The following ABCC8 variants were observed in gnomAD, a reference collection of about 807,000 sequenced individuals.
ABCC8 encodes the protein ATP-binding cassette sub-family C member 8.
Under a neutral mutation model 188.0 loss-of-function variants are expected in ABCC8, and 137 were observed. That is an observed-to-expected ratio of 0.73 (90% CI 0.63 to 0.84). The LOEUF (loss-of-function observed/expected upper bound fraction) is 0.84, where lower values mean the gene tolerates loss of function less well. ABCC8 is among the 40% of genes least tolerant of loss of function. ABCC8 has a pLI of 0.00. For synonymous variants in ABCC8, 797 were observed against 846.5 expected, an observed-to-expected ratio of 0.94 and a Z score of 1.01; for missense variants, 1,750 against 2,072.7, an observed-to-expected ratio of 0.84 and a Z score of 3.02.
intron 9 of ABCC8, 105 bp downstream of exon 9, chr11:17,443,067 CTCAAAG>C (rs768765920): frequency 4.6e-5 from 70 of 1,516,816 alleles, no homozygotes; most frequent in Middle Eastern, 4.2e-4. Flanking sequence ...AAGTGGCCTA[CTCAAAG>C]TCAAAGTCAA....
chr11:17,440,861 C>T (rs1449683589), intron 10 of ABCC8, among the ~76,000 whole-genome samples: 2 of 152,200 alleles, frequency 1.3e-5, no homozygotes, highest in African/African-American at 2.4e-5. Context: ...CCTTGGTGCC[C>T]ATGTTTCCAA....
intron 17 of ABCC8, among the ~76,000 whole-genome samples, chr11:17,415,734 G>A (rs1374109522): frequency 5.9e-5 from 9 of 152,224 alleles, no homozygotes; most frequent in Admixed American, 5.9e-4. Flanking sequence ...TGCACAAACA[G>A]CTGGGGCAAG....
intron 7 of ABCC8, among the ~76,000 whole-genome samples, chr11:17,449,534 G>T (rs573220389): frequency 3.7e-4 from 56 of 152,334 alleles, no homozygotes; most frequent in African/African-American, 1.3e-3. Context: ...CAGACAGAGA[G>T]CAGCCATGGT....
intron 16 of ABCC8, 52 bp from the exon 17 acceptor site, chr11:17,417,014 G>T: frequency 6.2e-7 from 1 of 1,613,080 alleles, no homozygotes; most frequent in African/African-American, 1.3e-5. Flanking sequence ...CCACCCCATT[G>T]CCTTTCCATC....
chr11:17,460,608 C>A lies in ABCC8; in HGVS notation c.891G>T (p.Arg297Ser). 1.2e-6 allele frequency: 2 copies of A among 1,613,216 alleles called. No homozygotes were observed. Among genetic ancestry groups the A allele is most frequent in the Non-Finnish European group, 1.7e-6 (2 of 1,180,048 alleles). ...IWQALSHAFG[R>S]RLVLSSTFRI... Reference sequence around the variant, plus strand: ...GGAAAGTGCTGCTGAGGACCAGGCGCCTCCCGAAGGCATGGCTGAGTGCCT... The same window carrying A: ...GGAAAGTGCTGCTGAGGACCAGGCGACTCCCGAAGGCATGGCTGAGTGCCT... Residue 297 changes from arginine (R) to serine (S), a missense_variant, in exon 6 of 39, where the codon AGG (arginine) becomes AGT (serine). Coordinates refer to ENST00000389817, the MANE Select transcript of ABCC8 (RefSeq NM_000352.6).
In ABCC8 at chr11:17,397,917, C is replaced by CA. The variant is rs1285506830; in HGVS notation, c.3754-121_3754-120insT. 42 of 1,519,540 alleles carry CA rather than the reference C, an allele frequency of 2.8e-5. No homozygotes were observed. The African/African-American group carries it at 5.0e-4, about 18-fold the overall frequency. The allele number at this position is 1,519,540 out of a possible 1,614,324, so 94.1% of individuals were successfully genotyped here. A position where few individuals can be genotyped will look rare whatever the true frequency, so the allele number is the denominator to read the frequency against. ...CCAGGCCTCCACTCCAGCCCTGCAA[C>CA]TCATGCACACGTCACCAGACACACA... On this transcript the variant is annotated intron_variant, in intron 30 of 38. Transcript: ENST00000389817.
intron 6 of ABCC8, among the ~76,000 whole-genome samples, chr11:17,457,980 G>A (rs959095542): frequency 2.0e-5 from 3 of 152,110 alleles, no homozygotes; most frequent in Admixed American, 6.5e-5. Flanking sequence ...AATAGCACTC[G>A]GTTCTCTCTG....
chr11:17,414,757 G>T, intron 18 of ABCC8, 147 bp from the exon 19 acceptor site: 1 of 1,450,552 alleles, frequency 6.9e-7, no homozygotes, highest in Non-Finnish European at 9.2e-7. Context: ...GGCCTCTGGT[G>T]GCCTTGCCTT....
rs538331806 is a variant in ABCC8, at chr11:17,404,061, A to G, written c.3557+451T>C. On this transcript the variant is annotated intron_variant, in intron 28 of 38. Transcript: ENST00000389817. The surrounding 1 kb of genome is among the most constrained non-coding windows in gnomAD (Gnocchi z 4.7). ...TGTGATCCATGAGAATGGCTGTGAGAGGCTCCCTCAAGTCAAGGCTTACAG... is the reference window on the plus strand; with the variant it reads ...TGTGATCCATGAGAATGGCTGTGAGGGGCTCCCTCAAGTCAAGGCTTACAG... 5.3e-5 allele frequency among the ~76,000 whole-genome samples: 8 copies of G among 152,306 alleles called. No individual in the cohort carries two copies. The highest frequency in any genetic ancestry group is 1.9e-4 in the African/African-American group (8 of 41,564).
chr11:17,463,911 C>G (rs923137344), intron 3 of ABCC8, among the ~76,000 whole-genome samples: 2 of 152,212 alleles, frequency 1.3e-5, no homozygotes, highest in African/African-American at 4.8e-5. Context: ...AACTAAGTTA[C>G]AGGCACTGTG....
At chr11:17,475,415 G>T (rs1009472372) in intron 1 of ABCC8, among the ~76,000 whole-genome samples, 1 of 151,904 alleles carries the variant, frequency 6.6e-6, no homozygotes, top group African/African-American at 2.4e-5. Flanking sequence ...GGGCGGGGGG[G>T]GTCTCACTAT....
Position 17,396,081 on chromosome 11 carries a change from G to T in ABCC8, c.4120-151C>A, listed in dbSNP as rs1453460569. 5.4e-6 allele frequency: 8 copies of T among 1,482,862 alleles called. No homozygotes were observed. In the African/African-American group the frequency reaches 5.6e-5, roughly 10 times the overall value. The allele number at this position is 1,482,862 out of a possible 1,614,324, so 91.9% of individuals were successfully genotyped here. On this transcript the variant is annotated intron_variant, in intron 33 of 38. Coordinates refer to ENST00000389817, the MANE Select transcript of ABCC8 (RefSeq NM_000352.6). ...ACTAGTTTCTCTTTGGACACCACAGGTTTGGGCTTGTTTCCTGCAGTGGGT... is the reference window on the plus strand; with the variant it reads ...ACTAGTTTCTCTTTGGACACCACAGTTTTGGGCTTGTTTCCTGCAGTGGGT...
At chr11:17,397,966 C>T (rs1277629062) in intron 30 of ABCC8, 169 bp from the exon 31 acceptor site, 21 of 886,746 alleles carry the variant, frequency 2.4e-5, no homozygotes, top group Non-Finnish European at 2.6e-5. Context: ...GGCTGGAGCC[C>T]CAGGAGCCAA....
At chr11:17,402,027 C>T (rs879803594) in intron 29 of ABCC8, among the ~76,000 whole-genome samples, 2 of 152,230 alleles carry the variant, frequency 1.3e-5, no homozygotes, top group Non-Finnish European at 2.9e-5. Context: ...TCCTGGCCTG[C>T]TCAAAGTCTG....
rs776060408 is a variant in ABCC8, at chr11:17,428,646, C to A, written c.1842G>T (p.Leu614=). ...LVSVQKLSEF[L]SSAEIREEQC... The stretch of plus-strand genomic sequence containing the variant: ...GCTCCTCACGGATCTCTGCACTGGA[C>A]AGGAACTCGCTTAGCTTTTGCACGC... Residue 614 remains leucine (L), a synonymous_variant, in exon 13 of 39, where the codon CTG becomes CTT. Coordinates refer to ENST00000389817, the MANE Select transcript of ABCC8 (RefSeq NM_000352.6). 6.2e-7 allele frequency: 1 copy of A among 1,613,708 alleles called. No homozygotes were observed. Among genetic ancestry groups the A allele is most frequent in the Non-Finnish European group, 8.5e-7 (1 of 1,180,044 alleles).
chr11:17,444,073 C>A (rs1470760167), intron 8 of ABCC8, among the ~76,000 whole-genome samples: 1 of 151,912 alleles, frequency 6.6e-6, no homozygotes, highest in East Asian at 1.9e-4. Context: ...AGTCCCAGAG[C>A]CCTACACCAG....
In ABCC8 at chr11:17,461,619, GTT is replaced by G; in HGVS notation, c.784_785del (p.Asn262LeufsTer9). On this transcript the variant is annotated frameshift_variant, in exon 5 of 39. Transcript: ENST00000389817. LOFTEE classifies it high-confidence loss of function. Reference sequence around the variant, plus strand: ...CAAAGGCCTCGCAGAGCCGTTGGTAGTTGGTGAGGGCCCTCATGGCGATGGGC... The same window carrying G: ...CAAAGGCCTCGCAGAGCCGTTGGTAGGGTGAGGGCCCTCATGGCGATGGGC... ...KLPIAMRALTNYQRLCEAFDA... is the reference protein window; with the variant it reads ...KLPIAMRALTXYQRLCEAFDA... The G allele has an allele frequency of 6.2e-7, 1 of 1,614,274 alleles. No individual in the cohort carries two copies. The highest frequency in any genetic ancestry group is 1.1e-5 in the South Asian group (1 of 91,088).
chr11:17,432,221 T>G lies in ABCC8; in HGVS notation c.1654A>C (p.Ile552Leu), dbSNP rs766577816. 9.7e-6 allele frequency: 15 copies of G among 1,552,702 alleles called. No individual in the cohort carries two copies. The highest frequency in any genetic ancestry group is 7.8e-6 in the Non-Finnish European group (9 of 1,147,418). Residue 552 changes from isoleucine (I) to leucine (L), a missense_variant, in exon 11 of 39, where the codon ATT (isoleucine) becomes CTT (leucine). By Grantham distance (5) the Ile-to-Leu change is conservative. Transcript: ENST00000389817. Reference sequence around the variant, plus strand: ...CCACTTACTATGAGGACAGCTGCAATGGGGATGGCCGTGTTCATGAAAACT... The same window carrying G: ...CCACTTACTATGAGGACAGCTGCAAGGGGGATGGCCGTGTTCATGAAAACT... ...ISIFMNTAIP[I>L]AAVLITFVGH...
intron 6 of ABCC8, among the ~76,000 whole-genome samples, chr11:17,455,836 G>T (rs1956971690): frequency 6.6e-6 from 1 of 151,826 alleles, no homozygotes; most frequent in Non-Finnish European, 1.5e-5. Flanking sequence ...CTACTTGGGA[G>T]GCTGGGCCAG....
Sources: gnomAD v4.1 joint callset for allele counts (sites outside exome capture counted in the v4.1 genomes callset) on GRCh38, gnomAD v4.1.1 for gene constraint, Gnocchi (gnomAD v3.1) non-coding constraint, MANE v1.5 for transcripts, NCBI Gene and HGNC (gene_info 2026-07-23, HGNC 2026-07-21) for gene names.